Variants in BCO1 observed in about 807,000 individuals in gnomAD.
The protein encoded by BCO1 is beta,beta-carotene 15,15'-dioxygenase.
In BCO1, 54 loss-of-function variants were observed where a neutral mutation model predicts 56.3. That is an observed-to-expected ratio of 0.96 (90% confidence interval 0.77 to 1.20). The LOEUF (loss-of-function observed/expected upper bound fraction) is 1.20, where lower values mean the gene tolerates loss of function less well. BCO1 is among the 50% of genes most tolerant of loss of function. The probability of loss-of-function intolerance (pLI) is 0.00; values close to 1 mark genes in which losing one functional copy is unlikely to be tolerated. For synonymous variants in BCO1, 318 were observed against 266.1 expected (o/e 1.20, Z -1.90); for missense variants, 801 against 690.9 (o/e 1.16, Z -1.79).
chr16:81,275,874 C>T (rs1907523534), intron 7 of BCO1, among the ~76,000 whole-genome samples: 1 of 152,036 alleles, frequency 6.6e-6, no homozygotes, highest in Non-Finnish European at 1.5e-5. Flanking sequence ...CCTGTTTACG[C>T]AGGGCGGTGT....
intron 7 of BCO1, among the ~76,000 whole-genome samples, chr16:81,278,530 C>G (rs1472773475): frequency 6.6e-6 from 1 of 152,218 alleles, no homozygotes; most frequent in Non-Finnish European, 1.5e-5. Context: ...GTGCCAGGCA[C>G]TGAGCAAAAT....
At chr16:81,278,797 T>C (rs566033590) in intron 7 of BCO1, among the ~76,000 whole-genome samples, 5 of 152,336 alleles carry the variant, frequency 3.3e-5, no homozygotes, top group African/African-American at 9.6e-5. Context: ...GCACAGGGTC[T>C]GCTTCTCTCC....
chr16:81,273,278 C>A (rs536996481), intron 7 of BCO1, among the ~76,000 whole-genome samples: 2 of 152,114 alleles, frequency 1.3e-5, no homozygotes, highest in African/African-American at 4.8e-5. Flanking sequence ...CCACCGTGGC[C>A]GGCCCTAAAC....
At chr16:81,289,900 C>T (rs539310816) in intron 10 of BCO1, among the ~76,000 whole-genome samples, 20 of 152,228 alleles carry the variant, frequency 1.3e-4, no homozygotes, top group Non-Finnish European at 2.1e-4. Context: ...TGTTTCACTC[C>T]GTCACCCAGG....
At chr16:81,239,655 A>G (rs572942065) in intron 1 of BCO1, among the ~76,000 whole-genome samples, 2 of 152,284 alleles carry the variant, frequency 1.3e-5, no homozygotes, top group African/African-American at 4.8e-5. Context: ...GCTCCCACGC[A>G]TGCACATCCA....
rs199556335 is a variant in BCO1, at chr16:81,264,796, C to T, written c.619+9C>T. 2 of 1,614,090 alleles carry T rather than the reference C, an allele frequency of 1.2e-6. No homozygotes were observed. The highest frequency in any genetic ancestry group is 2.2e-5 in the East Asian group (1 of 44,882). Reference sequence around the variant, plus strand: ...CCCTGCCACAGTACCAGGTAGGCCACTCTGGGGAATTGAATAAAACACAAA... The same window carrying T: ...CCCTGCCACAGTACCAGGTAGGCCATTCTGGGGAATTGAATAAAACACAAA... On this transcript the variant is annotated intron_variant, in intron 5 of 10. Transcript: ENST00000258168.
At position 81,246,867 on chromosome 16, in the gene BCO1, AAG is replaced by A. The variant is rs1168113205; in HGVS notation, c.193+1266_193+1267del. Among the ~76,000 whole-genome samples the A allele has an allele frequency of 6.0e-5, 9 of 150,712 alleles. 1 individual carries two copies. Among genetic ancestry groups the A allele is most frequent in the Non-Finnish European group, 7.4e-5 (5 of 67,642 alleles). On this transcript the variant is annotated intron_variant, in intron 2 of 10. Transcript: ENST00000258168. ...CTTTGTCTCAAAAAAAAAAAAAAAA[AAG>A]AAGAGTACAGAGCTGGAAAGAGCAA...
At chr16:81,241,908 G>A (rs1400819877) in intron 1 of BCO1, among the ~76,000 whole-genome samples, 3 of 152,130 alleles carry the variant, frequency 2.0e-5, no homozygotes, top group African/African-American at 7.2e-5. Flanking sequence ...AGACCTCTTT[G>A]GCAACTTAAG....
At chr16:81,270,079 G>C in intron 6 of BCO1, 80 bp from the exon 7 acceptor site, 1 of 1,574,092 alleles carries the variant, frequency 6.4e-7, no homozygotes, top group Non-Finnish European at 8.7e-7. Context: ...TGGCGGGGCT[G>C]GGTTTTGTTC....
At chr16:81,238,993 T>C in intron 1 of BCO1, 21 bp downstream of exon 1, 1 of 1,605,122 alleles carries the variant, frequency 6.2e-7, no homozygotes, top group South Asian at 1.1e-5. Flanking sequence ...TGATAAACAC[T>C]GGGCTCTTTC....
intron 10 of BCO1, among the ~76,000 whole-genome samples, chr16:81,289,005 A>G (rs753476749): frequency 7.2e-5 from 11 of 152,182 alleles, no homozygotes; most frequent in Non-Finnish European, 1.3e-4. Context: ...TCTCCCACTC[A>G]GTGGGACACT....
At chr16:81,276,266 C>G (rs978645337) in intron 7 of BCO1, among the ~76,000 whole-genome samples, 1 of 152,240 alleles carries the variant, frequency 6.6e-6, no homozygotes, top group Non-Finnish European at 1.5e-5. Context: ...TCCAGGCTTT[C>G]TTTCTCTAGC....
intron 7 of BCO1, among the ~76,000 whole-genome samples, chr16:81,277,167 A>T (rs918738827): frequency 6.6e-6 from 1 of 152,056 alleles, no homozygotes; most frequent in Non-Finnish European, 1.5e-5. Context: ...CGCCATCATG[A>T]AGGGCTGCGT....
chr16:81,262,310 A>G (rs1409695501), intron 4 of BCO1, 27 bp downstream of exon 4: 27 of 1,605,348 alleles, frequency 1.7e-5, no homozygotes, highest in Non-Finnish European at 2.3e-5. Flanking sequence ...AACCAGCATC[A>G]CTTCCTGACT....
At chr16:81,266,550 A>C (rs747627017) in intron 5 of BCO1, among the ~76,000 whole-genome samples, 5 of 152,132 alleles carry the variant, frequency 3.3e-5, no homozygotes, top group African/African-American at 4.8e-5. Context: ...AGGTACACGG[A>C]GTGTACTTGC....
At chr16:81,245,659 T>G (rs1244519830) in intron 2 of BCO1, 56 bp downstream of exon 2, 44 of 1,610,328 alleles carry the variant, frequency 2.7e-5, no homozygotes, top group African/African-American at 5.3e-5. Context: ...CCAAATGCAG[T>G]GCCTTAAAAC....
rs1905088412 is a variant in BCO1 at position 81,241,167 on chromosome 16, A to T, written c.64+2195A>T. On this transcript the variant is annotated intron_variant, in intron 1 of 10. Transcript: ENST00000258168. ...TATTTTAAATAAAAATACAAAAATT[A>T]GCCAGGCATGGTGGTGCATATCTAT... is the stretch of plus-strand genomic sequence containing the variant. 2.0e-5 allele frequency among the ~76,000 whole-genome samples: 3 copies of T among 152,112 alleles called. No homozygotes were observed. The East Asian group carries it at 5.8e-4, about 29-fold the overall frequency.
At chr16:81,271,186 C>T (rs575384273) in intron 7 of BCO1, among the ~76,000 whole-genome samples, 3 of 151,988 alleles carry the variant, frequency 2.0e-5, no homozygotes, top group Non-Finnish European at 2.9e-5. Context: ...ATGATCTAAG[C>T]TCACTGCAAC....
intron 3 of BCO1, 59 bp from the exon 4 acceptor site, chr16:81,262,077 A>G: frequency 6.3e-7 from 1 of 1,586,896 alleles, no homozygotes; most frequent in Non-Finnish European, 8.6e-7. Context: ...CATCAAGGAT[A>G]GACTTCTCTG....
Sources: gnomAD v4.1 joint callset for allele counts (sites outside exome capture counted in the v4.1 genomes callset) on GRCh38, gnomAD v4.1.1 for gene constraint, MANE v1.5 for transcripts, NCBI Gene and HGNC (gene_info 2026-07-23, HGNC 2026-07-21) for gene names.